Variants in SHROOM3 observed in about 807,000 individuals in gnomAD.
SHROOM3 encodes the protein protein Shroom3.
Under a neutral mutation model 138.6 loss-of-function variants are expected in SHROOM3, and 47 were observed. The ratio of observed to expected loss-of-function variants is 0.34; its 90% CI spans 0.27 to 0.43. The LOEUF is 0.43. SHROOM3 is among the 20% of genes least tolerant of loss of function. The pLI is 1.00. For synonymous variants in SHROOM3, 1,062 were observed against 1,063.3 expected (o/e 1.00, Z 0.02); for missense variants, 2,491 against 2,596.5 (o/e 0.96, Z 0.88).
At chr4:76,666,718 T>C (rs1316545887) in intron 2 of SHROOM3, among the ~76,000 whole-genome samples, 2 of 152,316 alleles carry the variant, frequency 1.3e-5, no homozygotes, top group East Asian at 3.9e-4. Context: ...TTCTTATATC[T>C]TAATTTCTTA....
intron 2 of SHROOM3, among the ~76,000 whole-genome samples, chr4:76,674,039 C>CT (rs1186871762): frequency 1.3e-5 from 2 of 151,318 alleles, no homozygotes; most frequent in Admixed American, 6.6e-5. Context: ...CACCCAACTA[C>CT]TTTTTTTTTC....
intron 1 of SHROOM3, among the ~76,000 whole-genome samples, chr4:76,500,709 G>A (rs1271689112): frequency 6.6e-6 from 1 of 152,128 alleles, no homozygotes; most frequent in African/African-American, 2.4e-5. Context: ...GAGAACTATG[G>A]AAGTTGGATA....
chr4:76,743,521 A>T (rs1467615876), intron 5 of SHROOM3, among the ~76,000 whole-genome samples: 1 of 152,070 alleles, frequency 6.6e-6, no homozygotes, highest in Non-Finnish European at 1.5e-5. Context: ...CTTCTCATAT[A>T]TTTGGCAGGT....
chr4:76,774,721 T>TG (rs1175127137), intron 10 of SHROOM3, among the ~76,000 whole-genome samples: 9 of 129,340 alleles, frequency 7.0e-5, no homozygotes, highest in African/African-American at 2.9e-4. Context: ...TTTTTTTTTG[T>TG]TTTTTTTTTT....
At position 76,740,813 on chromosome 4, in the gene SHROOM3, G is replaced by A; in HGVS notation, c.2640G>A (p.Arg880=). 1 of 1,606,224 alleles carries A rather than the reference G, an allele frequency of 6.2e-7. No homozygotes were observed. Among genetic ancestry groups the A allele is most frequent in the Non-Finnish European group, 8.5e-7 (1 of 1,176,592 alleles). ...GASDSGRGPQ[R]PDARLLRSQS... is the part of the protein sequence containing the mutation. ...CGGACAGCGGCCGTGGCCCCCAGAG[G>A]CCGGACGCTCGGCTCCTCCGTAGCC... The change falls in exon 5 of 11, where the codon AGG becomes AGA. Residue 880 remains arginine (R), a synonymous_variant. Coordinates refer to ENST00000296043, the MANE Select transcript of SHROOM3 (RefSeq NM_020859.4). The surrounding 1 kb of genome is among the most constrained non-coding windows in gnomAD (Gnocchi z 4.0).
At chr4:76,716,365 A>G (rs778747001) in intron 3 of SHROOM3, 1 of 519,014 alleles carries the variant, frequency 1.9e-6, no homozygotes, top group South Asian at 1.4e-5. Context: ...TATGACATCC[A>G]ATTGGCCAGA....
chr4:76,740,369 G>C lies in SHROOM3; in HGVS notation c.2196G>C (p.Ser732=). The change falls in exon 5 of 11, where the codon TCG becomes TCC. Residue 732 remains serine, a synonymous_variant. Transcript: ENST00000296043. This position sits in a 1 kb window ranked among gnomAD's most constrained non-coding sequence, Gnocchi z 4.0. ...GGCCCGAGGGGAGGACCGGTGCCTCGGCTTCTTTCAACAGCACAGACCCAA... is the reference window on the plus strand; with the variant it reads ...GGCCCGAGGGGAGGACCGGTGCCTCCGCTTCTTTCAACAGCACAGACCCAA... ...YPRPEGRTGA[S]ASFNSTDPSP... 1.2e-6 allele frequency: 2 copies of C among 1,613,012 alleles called. No homozygotes were observed. The highest frequency in any genetic ancestry group is 1.7e-6 in the Non-Finnish European group (2 of 1,179,990).
At chr4:76,499,094 T>C (rs1732035212) in intron 1 of SHROOM3, among the ~76,000 whole-genome samples, 1 of 152,344 alleles carries the variant, frequency 6.6e-6, no homozygotes, top group South Asian at 2.1e-4. Context: ...TTCTCCCTCA[T>C]TGTATAAATG....
chr4:76,736,444 C>T (rs1721074803), intron 4 of SHROOM3, among the ~76,000 whole-genome samples: 1 of 152,054 alleles, frequency 6.6e-6, no homozygotes, highest in Admixed American at 6.5e-5. Context: ...TCTCCTTTTC[C>T]TTAAATTCCA....
chr4:76,738,690 TG>T, intron 4 of SHROOM3, 70 bp from the exon 5 acceptor site: 3 of 1,552,522 alleles, frequency 1.9e-6, no homozygotes, highest in Non-Finnish European at 2.7e-6. Flanking sequence ...ATTTATAAGC[TG>T]GGTCCTCTGC....
intron 2 of SHROOM3, among the ~76,000 whole-genome samples, chr4:76,560,260 T>C (rs1334974682): frequency 1.3e-5 from 2 of 152,130 alleles, no homozygotes; most frequent in African/African-American, 2.4e-5. Context: ...TAATTTATCA[T>C]CCCTGAGGGT....
intron 1 of SHROOM3, among the ~76,000 whole-genome samples, chr4:76,486,284 A>C (rs1343741270): frequency 1.3e-5 from 2 of 152,258 alleles, no homozygotes; most frequent in African/African-American, 4.8e-5. Flanking sequence ...TACAGTTTGA[A>C]AAGAATGTTT....
Position 76,659,290 on chromosome 4 carries a change from T to A in SHROOM3, c.324-50866T>A, listed in dbSNP as rs140279776. 1.2e-3 allele frequency among the ~76,000 whole-genome samples: 181 copies of A among 152,298 alleles called. 3 individuals are homozygous for A. In the East Asian group the frequency reaches 0.021, roughly 18 times the overall value. On this transcript the variant is annotated intron_variant, in intron 2 of 10. Coordinates refer to ENST00000296043, the MANE Select transcript of SHROOM3 (RefSeq NM_020859.4). The stretch of plus-strand genomic sequence containing the variant: ...CACTCCCTACTTACAGGTGGAACTT[T>A]CTGAGGACAGAAGCCAACAGCAGAC...
intron 2 of SHROOM3, among the ~76,000 whole-genome samples, chr4:76,648,346 AAAAC>A (rs1466503542): frequency 3.3e-5 from 5 of 152,170 alleles, no homozygotes; most frequent in African/African-American, 4.8e-5. Context: ...GAAAGAAAGA[AAAAC>A]AAAAAACCAA....
At position 76,730,944 on chromosome 4, in the gene SHROOM3, C is replaced by T. The variant is rs748206328; in HGVS notation, c.587+9C>T. 3.1e-6 allele frequency: 5 copies of T among 1,614,006 alleles called. No individual in the cohort carries two copies. Among genetic ancestry groups the T allele is most frequent in the Admixed American group, 1.7e-5 (1 of 60,020 alleles). ...CAAAGCTACCATTCCAGGTAAGTGG[C>T]TATAGCTGAGACTGAAGGGTTTCTT... On this transcript the variant is annotated intron_variant, in intron 4 of 10. Coordinates refer to ENST00000296043, the MANE Select transcript of SHROOM3 (RefSeq NM_020859.4).
At position 76,741,235 on chromosome 4, in the gene SHROOM3, C is replaced by G; in HGVS notation, c.3062C>G (p.Ser1021Trp). The G allele has an allele frequency of 6.2e-7, 1 of 1,611,060 alleles. No homozygotes were observed. Among genetic ancestry groups the G allele is most frequent in the Non-Finnish European group, 8.5e-7 (1 of 1,179,262 alleles). Residue 1021 changes from serine to tryptophan, a missense_variant, in exon 5 of 11, where the codon TCG becomes TGG. Transcript: ENST00000296043. This position sits in a 1 kb window ranked among gnomAD's most constrained non-coding sequence, Gnocchi z 6.2. Reference sequence around the variant, plus strand: ...CCCGAGCAGAAGAAGCGCTCCTACTCGGAGCCCGAGAAGATGAACGAGGTG... The same window carrying G: ...CCCGAGCAGAAGAAGCGCTCCTACTGGGAGCCCGAGAAGATGAACGAGGTG... ...LTPEQKKRSY[S>W]EPEKMNEVGI...
At chr4:76,465,219 G>T (rs4859678) in intron 1 of SHROOM3, among the ~76,000 whole-genome samples, 20,470 of 152,198 alleles carry the variant, frequency 0.13, 1,552 homozygotes, top group Middle Eastern at 0.22. Flanking sequence ...TTCCAAAACT[G>T]ATTTAAAGTG....
rs202071236 is a variant in SHROOM3 at position 76,754,718 on chromosome 4, T to C, written c.4235T>C (p.Val1412Ala). 39 of 1,614,060 alleles carry C rather than the reference T, an allele frequency of 2.4e-5. No homozygotes were observed. The East Asian group carries it at 8.7e-4, about 36-fold the overall frequency. Residue 1412 changes from valine (V) to alanine (A), a missense_variant, in exon 7 of 11, where the codon GTA (valine) becomes GCA (alanine). By Grantham distance (64) the Val-to-Ala change is moderately conservative. Around this residue, in one of 4 missense-constraint regions of SHROOM3, gnomAD observed 1,733 missense variants for 1,661.6 expected, o/e 1.04. Coordinates refer to ENST00000296043, the MANE Select transcript of SHROOM3 (RefSeq NM_020859.4). Reference protein sequence around the residue: ...GCEGDGPEHGVEEGTRKRVSL... With the variant: ...GCEGDGPEHGAEEGTRKRVSL... ...GAGGGCGATGGCCCAGAGCATGGGG[T>C]AGAAGAGGGAACGAGGAAGAGGGTC...
At chr4:76,464,556 G>A (rs1258157667) in intron 1 of SHROOM3, among the ~76,000 whole-genome samples, 3 of 152,234 alleles carry the variant, frequency 2.0e-5, no homozygotes, top group South Asian at 4.2e-4. Context: ...AGTGTGAGAA[G>A]GACATGAGAT....
Sources: gnomAD v4.1 joint callset for allele counts (sites outside exome capture counted in the v4.1 genomes callset) on GRCh38, gnomAD v4.1.1 for gene constraint, gnomAD v4.1.1 regional missense constraint, Gnocchi (gnomAD v3.1) non-coding constraint, MANE v1.5 for transcripts, NCBI Gene and HGNC (gene_info 2026-07-23, HGNC 2026-07-21) for gene names.